The following PDZD9 variants were observed in gnomAD, a reference collection of about 807,000 sequenced individuals.
The protein encoded by PDZD9 is PDZ domain-containing protein 9.
PDZD9 carries 13 observed loss-of-function variants against 16.3 expected under a neutral mutation model. The observed-to-expected ratio is 0.80, with a 90% CI of 0.52 to 1.27. The LOEUF (loss-of-function observed/expected upper bound fraction) is 1.27, where lower values mean the gene tolerates loss of function less well. PDZD9 is among the 50% of genes most tolerant of loss of function. PDZD9 has a pLI of 0.00. For synonymous variants in PDZD9, 120 were observed against 111.0 expected (o/e 1.08, Z -0.51); for missense variants, 288 against 310.9 (o/e 0.93, Z 0.55).
At position 21,984,318 on chromosome 16, in the gene PDZD9, A is replaced by G. The variant is rs772239043; in HGVS notation, c.744T>C (p.Asp248=). The G allele has an allele frequency of 5.0e-6, 8 of 1,613,952 alleles. No individual in the cohort carries two copies. The highest frequency in any genetic ancestry group is 2.7e-5 in the African/African-American group (2 of 74,900). Residue 248 remains aspartate (D), a synonymous_variant, in exon 4 of 4, where the codon GAT becomes GAC. Transcript: ENST00000424898. The part of the protein sequence containing the change: ...SSTSDAFWLE[D]CAQVEEGKAQ... ...CTTTACCCTCTTCAACTTGGGCACA[A>G]TCTTCCAGCCAAAATGCATCTGAGG...
At chr16:21,968,798 T>A in the PDZD9 span, 1 of 833,988 alleles carries the variant, frequency 1.2e-6, no homozygotes, top group Non-Finnish European at 1.8e-6. Context: ...GCCTTCTATT[T>A]ATGTCAGACA....
rs1252600972 is a variant in PDZD9, at chr16:21,984,368, T to C, written c.694A>G (p.Ser232Gly). Residue 232 changes from serine to glycine, a missense_variant, in exon 4 of 4, where the codon AGC (serine) becomes GGC (glycine). Physicochemically the swap from Ser to Gly is moderately conservative, Grantham distance 56. Transcript: ENST00000424898. ...GTAGAGGAGGTAGAGGAGGAAGAGC[T>C]TTCATTGTCTTGCTTCACCATTATC... ...YWIMVKQDNE[S>G]SSSSTSSTSD... 1 of 1,614,018 alleles carries C rather than the reference T, an allele frequency of 6.2e-7. No individual in the cohort carries two copies. The highest frequency in any genetic ancestry group is 2.2e-5 in the East Asian group (1 of 44,872).
chr16:21,992,931 TAGTG>T (rs1899058694), intron 2 of PDZD9, among the ~76,000 whole-genome samples: 2 of 152,220 alleles, frequency 1.3e-5, no homozygotes, highest in South Asian at 4.1e-4. Context: ...GCTGTCATGA[TAGTG>T]AGTGAGTTCT....
intron 2 of PDZD9, among the ~76,000 whole-genome samples, chr16:21,994,666 G>A (rs762999055): frequency 3.3e-5 from 5 of 152,120 alleles, no homozygotes; most frequent in Non-Finnish European, 5.9e-5. Context: ...AAATGAGATC[G>A]TGCAGCTAAG....
chr16:21,987,504 A>G (rs748374220), intron 3 of PDZD9, among the ~76,000 whole-genome samples: 2 of 152,210 alleles, frequency 1.3e-5, no homozygotes, highest in Non-Finnish European at 2.9e-5. Context: ...ACAGGCATCA[A>G]TGAAACTGGC....
chr16:21,978,764 G>A, the PDZD9 span, among the ~76,000 whole-genome samples: 2 of 152,178 alleles, frequency 1.3e-5, no homozygotes, highest in African/African-American at 4.8e-5. Flanking sequence ...ACTGTAAGTT[G>A]TTAGTTTGCC....
In PDZD9 at chr16:21,983,973, C is replaced by T; in HGVS notation, c.*294G>A. ...TGTTTACATAAAGTGACATTCTCTA[C>T]TATGTTCAGACATTCTGATATTGGA... On this transcript the variant is annotated 3_prime_UTR_variant, in exon 4 of 4. Coordinates refer to ENST00000424898, the MANE Select transcript of PDZD9 (RefSeq NM_001363519.1). The T allele has an allele frequency of 4.3e-6, 1 of 234,490 alleles. No homozygotes were observed. Among genetic ancestry groups the T allele is most frequent in the Non-Finnish European group, 8.2e-6 (1 of 121,814 alleles). The allele number at this position is 234,490 out of a possible 1,614,324, so 14.5% of individuals were successfully genotyped here. A position where few individuals can be genotyped will look rare whatever the true frequency, so the allele number is the denominator to read the frequency against.
downstream of PDZD9, among the ~76,000 whole-genome samples, chr16:21,979,315 T>C (rs1239962906): frequency 6.6e-6 from 1 of 152,164 alleles, no homozygotes; most frequent in Non-Finnish European, 1.5e-5. Flanking sequence ...TCAACTTGAC[T>C]ATGGAGGAAA....
chr16:21,992,926 C>T (rs1899058409), intron 2 of PDZD9, among the ~76,000 whole-genome samples: 1 of 152,104 alleles, frequency 6.6e-6, no homozygotes, highest in Non-Finnish European at 1.5e-5. Flanking sequence ...CCCATGCTGT[C>T]ATGATAGTGA....
Position 21,988,668 on chromosome 16 carries a change from A to G in PDZD9, c.335T>C (p.Ile112Thr), listed in dbSNP as rs772553909. 8 of 1,613,348 alleles carry G rather than the reference A, an allele frequency of 5.0e-6. No homozygotes were observed. The African/African-American group carries it at 5.3e-5, about 11-fold the overall frequency. The change falls in exon 3 of 4, where the codon ATT becomes ACT. Residue 112 changes from isoleucine to threonine, a missense_variant. By Grantham distance (89) the Ile-to-Thr change is moderately conservative. Transcript: ENST00000424898. ...VLQIKVYRDF[I>T]NIPEEWQEIY... ...TTCTTGCCATTCTTCAGGAATGTTA[A>G]TAAAATCTCGGTAAACCTTGATTTG...
the PDZD9 span, chr16:21,971,636 T>TA: frequency 3.7e-6 from 6 of 1,610,656 alleles, no homozygotes; most frequent in Non-Finnish European, 5.1e-6. Flanking sequence ...CATTTCATTC[T>TA]ATTAGGGTTA....
At chr16:21,980,442 T>C (rs1468497038), downstream of PDZD9, 1 of 1,213,032 alleles carries the variant, frequency 8.2e-7, no homozygotes, top group Non-Finnish European at 1.2e-6. Context: ...GCTGTTACTC[T>C]ATCCATTAAA....
At position 21,984,544 on chromosome 16, in the gene PDZD9, T is replaced by G; in HGVS notation, c.518A>C (p.His173Pro). The G allele has an allele frequency of 6.3e-7, 1 of 1,599,368 alleles. No individual in the cohort carries two copies. Among genetic ancestry groups the G allele is most frequent in the Non-Finnish European group, 8.6e-7 (1 of 1,168,138 alleles). Residue 173 changes from histidine to proline, a missense_variant, in exon 4 of 4, where the codon CAT becomes CCT. Transcript: ENST00000424898. ...GGATATTGGTCTCCTTGCAGGGTGA[T>G]GCACAGTTGACCACGGATATCTATA... ...QYYRYPWSTV[H>P]HPARRPISIS...
the PDZD9 span, among the ~76,000 whole-genome samples, chr16:21,970,710 C>T: frequency 6.6e-6 from 1 of 152,048 alleles, no homozygotes; most frequent in Non-Finnish European, 1.5e-5. Flanking sequence ...CTCAGCCTCC[C>T]GAGTAGCTGG....
At chr16:21,971,793 T>C in the PDZD9 span, 4 of 1,374,890 alleles carry the variant, frequency 2.9e-6, 1 homozygote, top group South Asian at 5.1e-5. Flanking sequence ...GGGGACAGGA[T>C]GGCATGGGGA....
chr16:21,997,213 G>C (rs1387887336), intron 1 of PDZD9, among the ~76,000 whole-genome samples: 1 of 152,170 alleles, frequency 6.6e-6, no homozygotes, highest in Non-Finnish European at 1.5e-5. Context: ...ATAACAAACT[G>C]TAACTCATGC....
chr16:21,991,942 C>T (rs1046977299), intron 2 of PDZD9, among the ~76,000 whole-genome samples: 3 of 152,180 alleles, frequency 2.0e-5, no homozygotes, highest in Non-Finnish European at 4.4e-5. Flanking sequence ...TTTCTAGGCA[C>T]ACATCGGTTC....
the PDZD9 span, chr16:21,961,473 A>G: frequency 4.2e-6 from 1 of 238,386 alleles, no homozygotes; most frequent in East Asian, 1.2e-4. Flanking sequence ...AAGGTATTTT[A>G]ATTTTTTAAG....
chr16:21,967,433 G>T, the PDZD9 span, among the ~76,000 whole-genome samples: 1 of 151,720 alleles, frequency 6.6e-6, no homozygotes, highest in African/African-American at 2.4e-5. Flanking sequence ...CATAGAAGTC[G>T]TAAGTTTTTT....
Sources: gnomAD v4.1 joint callset for allele counts (sites outside exome capture counted in the v4.1 genomes callset) on GRCh38, gnomAD v4.1.1 for gene constraint, MANE v1.5 for transcripts, NCBI Gene and HGNC (gene_info 2026-07-23, HGNC 2026-07-21) for gene names.